Variants in KDM3B observed in about 807,000 individuals in gnomAD.
The protein encoded by KDM3B is lysine demethylase 3B, also known as lysine-specific demethylase 3B.
KDM3B carries 10 observed loss-of-function variants against 170.0 expected under a neutral mutation model. That is an observed-to-expected ratio of 0.06 (90% CI 0.04 to 0.10). The LOEUF is 0.10. Ranked by LOEUF, KDM3B falls within the 10% of genes least tolerant of loss-of-function variation. KDM3B has a pLI of 1.00. For synonymous variants in KDM3B, 831 were observed against 834.8 expected (o/e 1.00, Z 0.08); for missense variants, 1,394 against 2,195.2 (o/e 0.64, Z 7.29).
In KDM3B at chr5:138,428,212, T is replaced by G. The variant is rs925739442; in HGVS notation, c.4753+126T>G. 9 of 1,042,844 alleles carry G rather than the reference T, an allele frequency of 8.6e-6. 1 individual carries two copies. In the East Asian group the frequency reaches 1.8e-4, roughly 20 times the overall value. The allele number at this position is 1,042,844 out of a possible 1,614,324, so 64.6% of individuals were successfully genotyped here. A position where few individuals can be genotyped will look rare whatever the true frequency, so the allele number is the denominator to read the frequency against. On this transcript the variant is annotated intron_variant, in intron 20 of 23. Coordinates refer to ENST00000314358, the MANE Select transcript of KDM3B (RefSeq NM_016604.4). ...TTTCTTTTTCTTTTTTCTGTTTTTT[T>G]TTTTGGGGGGCGGGGAGGCAGAGTC...
At chr5:138,421,599 T>G (rs1473814590) in intron 15 of KDM3B, among the ~76,000 whole-genome samples, 1 of 152,198 alleles carries the variant, frequency 6.6e-6, no homozygotes, top group Non-Finnish European at 1.5e-5. Flanking sequence ...CAGGTCCCCT[T>G]GTTTCTGCCC....
rs1481856069 is a variant in KDM3B, at chr5:138,436,510, G to A, written c.*810G>A. The A allele has an allele frequency of 1.3e-5, 2 of 152,060 alleles. No homozygotes were observed. The highest frequency in any genetic ancestry group is 3.9e-4 in the East Asian group (2 of 5,194). 9.4% of individuals were successfully genotyped at this position (152,060 alleles called of 1,614,324 possible). Reference sequence around the variant, plus strand: ...GCCAAAGCAGAATTTTTAAAAATTGGCTTTTTTAGGATTCTTTTTCTCCCC... The same window carrying A: ...GCCAAAGCAGAATTTTTAAAAATTGACTTTTTTAGGATTCTTTTTCTCCCC... On this transcript the variant is annotated 3_prime_UTR_variant, in exon 24 of 24. Coordinates refer to ENST00000314358, the MANE Select transcript of KDM3B (RefSeq NM_016604.4).
chr5:138,376,268 A>G (rs966429927), intron 3 of KDM3B, among the ~76,000 whole-genome samples: 1 of 152,082 alleles, frequency 6.6e-6, no homozygotes, highest in Non-Finnish European at 1.5e-5. Flanking sequence ...GTGAGCCACC[A>G]TACCCAACCT....
chr5:138,366,060 T>C (rs1036051185), intron 1 of KDM3B, among the ~76,000 whole-genome samples: 2 of 152,022 alleles, frequency 1.3e-5, no homozygotes, highest in African/African-American at 2.4e-5. Flanking sequence ...TAAAATACTG[T>C]TCACTCTCTC....
At chr5:138,379,787 T>C in intron 5 of KDM3B, 79 bp downstream of exon 5, 2 of 1,363,502 alleles carry the variant, frequency 1.5e-6, no homozygotes, top group Non-Finnish European at 2.0e-6. Context: ...CACTTCATTA[T>C]GTGTAAGATG....
intron 13 of KDM3B, among the ~76,000 whole-genome samples, chr5:138,418,196 C>T (rs1350040403): frequency 2.7e-5 from 4 of 149,996 alleles, no homozygotes; most frequent in Non-Finnish European, 5.9e-5. Context: ...TCTCATGCCT[C>T]AGCCTCCCAA....
At chr5:138,395,283 A>C (rs1262070514) in intron 9 of KDM3B, among the ~76,000 whole-genome samples, 3 of 152,228 alleles carry the variant, frequency 2.0e-5, no homozygotes. Context: ...ATAGATAAAG[A>C]AGAATAGCAG....
chr5:138,382,601 A>G (rs896115790), intron 6 of KDM3B, among the ~76,000 whole-genome samples: 12 of 152,154 alleles, frequency 7.9e-5, no homozygotes, highest in Non-Finnish European at 1.6e-4. Context: ...TGCTAAGTAT[A>G]TAGTCTTTCC....
chr5:138,401,577 C>T (rs546276876), intron 11 of KDM3B, among the ~76,000 whole-genome samples: 1 of 152,252 alleles, frequency 6.6e-6, no homozygotes, highest in South Asian at 2.1e-4. Flanking sequence ...CTACTGTGAA[C>T]ATTTGTGTAC....
intron 12 of KDM3B, among the ~76,000 whole-genome samples, chr5:138,416,717 T>C (rs1352535628): frequency 2.0e-5 from 3 of 152,146 alleles, no homozygotes; most frequent in Non-Finnish European, 4.4e-5. Flanking sequence ...GGATGCCTGC[T>C]CCCTGCAGCT....
intron 7 of KDM3B, among the ~76,000 whole-genome samples, chr5:138,388,019 T>A (rs1319911192): frequency 6.6e-6 from 1 of 151,924 alleles, no homozygotes; most frequent in African/African-American, 2.4e-5. Flanking sequence ...AGGTGGAGCT[T>A]GCAGTGAGCC....
At chr5:138,419,688 TAC>T (rs1554131127) in intron 14 of KDM3B, among the ~76,000 whole-genome samples, 4 of 119,092 alleles carry the variant, frequency 3.4e-5, no homozygotes, top group East Asian at 2.3e-4. Flanking sequence ...TATATATATA[TAC>T]ATATATATAT....
In KDM3B at chr5:138,430,252, G is replaced by A. The variant is rs1418178086; in HGVS notation, c.4897G>A (p.Gly1633Arg). ...TTGGATTTGATTATGGCTTCAGGTTGGAGAAGAACAAGGCCAAGAGAACCC... is the reference window on the plus strand; with the variant it reads ...TTGGATTTGATTATGGCTTCAGGTTAGAGAAGAACAAGGCCAAGAGAACCC... Reference protein sequence around the residue: ...EKIRELLRKVGEEQGQENPPD... With the variant: ...EKIRELLRKVREEQGQENPPD... Residue 1633 changes from glycine (G) to arginine (R), a missense_variant, in exon 22 of 24, where the codon GGA becomes AGA. By Grantham distance (125) the Gly-to-Arg change is moderately radical (BLOSUM62 -2). Around this residue, in one of 19 missense-constraint regions of KDM3B, gnomAD observed 79 missense variants for 270.5 expected, o/e 0.29. Transcript: ENST00000314358. The A allele has an allele frequency of 6.2e-7, 1 of 1,613,392 alleles. No homozygotes were observed. Among genetic ancestry groups the A allele is most frequent in the Non-Finnish European group, 8.5e-7 (1 of 1,179,536 alleles).
intron 1 of KDM3B, among the ~76,000 whole-genome samples, chr5:138,362,041 C>T (rs140011837): frequency 1.1e-4 from 17 of 152,192 alleles, no homozygotes; most frequent in Admixed American, 3.3e-4. Flanking sequence ...AACTCTAGGC[C>T]GGGCGCTGTG....
chr5:138,370,113 C>A (rs1761837790), intron 1 of KDM3B, among the ~76,000 whole-genome samples: 1 of 152,076 alleles, frequency 6.6e-6, no homozygotes, highest in Admixed American at 6.6e-5. Flanking sequence ...ATGTCTTATT[C>A]CCCTACAACA....
In KDM3B at chr5:138,386,389, C is replaced by T. The variant is rs773419445; in HGVS notation, c.1148C>T (p.Thr383Ile). 1.2e-6 allele frequency: 2 copies of T among 1,614,214 alleles called. No homozygotes were observed. The highest frequency in any genetic ancestry group is 1.1e-5 in the South Asian group (1 of 91,086). ...GGTGGGGACACACCTGCATCTTTCACTCCATATTCTACAGCCACAGGTCAG... is the reference window on the plus strand; with the variant it reads ...GGTGGGGACACACCTGCATCTTTCATTCCATATTCTACAGCCACAGGTCAG... ...PVGGDTPASF[T>I]PYSTATGQTP... Residue 383 changes from threonine to isoleucine, a missense_variant, in exon 7 of 24, where the codon ACT becomes ATT. Thr to Ile is a moderately conservative substitution (Grantham distance 89). This residue lies in a region of KDM3B where 205 missense variants were observed against 227.6 expected (regional missense o/e 0.90). Transcript: ENST00000314358.
rs145133800 is a variant in KDM3B, at chr5:138,386,184, G to A, written c.943G>A (p.Asp315Asn). 391 of 1,614,062 alleles carry A rather than the reference G, an allele frequency of 2.4e-4. 1 individual carries two copies. The highest frequency in any genetic ancestry group is 3.1e-4 in the Non-Finnish European group (361 of 1,180,038). Residue 315 changes from aspartate to asparagine, a missense_variant, in exon 7 of 24, where the codon GAT becomes AAT. Physicochemically the swap from Asp to Asn is conservative, Grantham distance 23. This residue lies in a region of KDM3B where 205 missense variants were observed against 227.6 expected (regional missense o/e 0.90). Coordinates refer to ENST00000314358, the MANE Select transcript of KDM3B (RefSeq NM_016604.4). ...DRGEVDSNGS[D>N]GGEASRGPWK... ...GGGTGAAGTAGACAGTAATGGGAGC[G>A]ATGGAGGTGAGGCAAGCCGAGGGCC...
At chr5:138,357,607 G>A (rs943641167) in intron 1 of KDM3B, among the ~76,000 whole-genome samples, 1 of 152,110 alleles carries the variant, frequency 6.6e-6, no homozygotes, top group African/African-American at 2.4e-5. Context: ...CAATCTGCCT[G>A]ACTTGGCCTC....
chr5:138,429,992 C>A, intron 21 of KDM3B, 27 bp downstream of exon 21: 1 of 1,612,304 alleles, frequency 6.2e-7, no homozygotes, highest in South Asian at 1.1e-5. Context: ...GCTGTGCTCC[C>A]AGCTCACATA....
Sources: gnomAD v4.1 joint callset for allele counts (sites outside exome capture counted in the v4.1 genomes callset) on GRCh38, gnomAD v4.1.1 for gene constraint, gnomAD v4.1.1 regional missense constraint, MANE v1.5 for transcripts, NCBI Gene and HGNC (gene_info 2026-07-23, HGNC 2026-07-21) for gene names.